The following LRRTM4 variants were observed in gnomAD, a reference collection of about 807,000 sequenced individuals.
LRRTM4 encodes leucine-rich repeat transmembrane neuronal protein 4.
Under a neutral mutation model 47.6 loss-of-function variants are expected in LRRTM4, and 25 were observed. The observed-to-expected ratio is 0.53, with a 90% CI of 0.38 to 0.73. The LOEUF is 0.73. Ranked by LOEUF, LRRTM4 falls within the 30% of genes least tolerant of loss-of-function variation. The pLI is 0.00. For missense variants in LRRTM4, 638 were observed against 713.4 expected, an observed-to-expected ratio of 0.89 and a Z score of 1.20; for synonymous variants, 311 against 269.5, an observed-to-expected ratio of 1.15 and a Z score of -1.51.
chr2:77,364,682 C>T (rs964332625), intron 3 of LRRTM4, among the ~76,000 whole-genome samples: 3 of 151,994 alleles, frequency 2.0e-5, no homozygotes, highest in Admixed American at 6.6e-5. Flanking sequence ...AGCTTCTACC[C>T]CCAGAAGGAA....
At chr2:77,470,583 T>G (rs761612611) in intron 3 of LRRTM4, among the ~76,000 whole-genome samples, 2 of 151,970 alleles carry the variant, frequency 1.3e-5, no homozygotes, top group African/African-American at 2.4e-5. Flanking sequence ...ATGAGAAAGT[T>G]TAGGTACAAG....
chr2:76,900,074 C>A (rs1196915998), intron 3 of LRRTM4, among the ~76,000 whole-genome samples: 1 of 151,928 alleles, frequency 6.6e-6, no homozygotes, highest in East Asian at 1.9e-4. Flanking sequence ...ACTAAAAATA[C>A]AAAAGTTAGT....
intron 3 of LRRTM4, among the ~76,000 whole-genome samples, chr2:77,029,187 G>C (rs1190268266): frequency 2.0e-5 from 3 of 151,468 alleles, no homozygotes; most frequent in Non-Finnish European, 4.4e-5. Flanking sequence ...GGTTGTATTA[G>C]TCAAGGTTCT....
intron 3 of LRRTM4, among the ~76,000 whole-genome samples, chr2:77,349,438 A>G (rs1671681871): frequency 6.6e-6 from 1 of 152,062 alleles, no homozygotes; most frequent in Non-Finnish European, 1.5e-5. Context: ...CATAAATAAG[A>G]TTTAAACAAA....
intron 3 of LRRTM4, among the ~76,000 whole-genome samples, chr2:77,308,889 T>C (rs1271892978): frequency 1.3e-5 from 2 of 152,090 alleles, no homozygotes; most frequent in African/African-American, 2.4e-5. Flanking sequence ...TCCACGTCTC[T>C]GTAGAATACA....
intron 3 of LRRTM4, among the ~76,000 whole-genome samples, chr2:76,993,945 A>T (rs925713639): frequency 2.6e-5 from 4 of 151,664 alleles, no homozygotes; most frequent in East Asian, 1.9e-4. Flanking sequence ...ATGAAAACAT[A>T]TTTTTTTTCA....
intron 3 of LRRTM4, among the ~76,000 whole-genome samples, chr2:76,935,540 G>A (rs924073014): frequency 1.3e-5 from 2 of 152,088 alleles, no homozygotes; most frequent in African/African-American, 4.8e-5. Context: ...GCAGTGGTTT[G>A]TAGTTCTCCT....
rs574633622 is a variant in LRRTM4, at chr2:77,479,674, T to C, written c.1551+38644A>G. On this transcript the variant is annotated intron_variant, in intron 3 of 3. Transcript: ENST00000409884. ...GAATCCTGCCAATTCTTTGTGGCAT[T>C]TCCTTCTCTCTCTCTCTCTTTTTCT... Among the ~76,000 whole-genome samples, 4 of 152,204 alleles carry C rather than the reference T, an allele frequency of 2.6e-5. No homozygotes were observed. The East Asian group carries it at 7.8e-4, about 30-fold the overall frequency.
chr2:76,812,776 C>CCCTCTTCCTCTCCCTCCCCCCTT (rs1553413541), intron 3 of LRRTM4, among the ~76,000 whole-genome samples: 2 of 85,634 alleles, frequency 2.3e-5, no homozygotes, highest in African/African-American at 1.1e-4. Context: ...CTCTCCCTCC[C>CCCTCTTCCTCTCCCTCCCCCCTT]CCTCCTCCTC....
chr2:76,865,459 G>A (rs17333303), intron 3 of LRRTM4, among the ~76,000 whole-genome samples: 20,271 of 152,122 alleles, frequency 0.13, 1,725 homozygotes, highest in Admixed American at 0.2. Context: ...CCTATCCAAA[G>A]AAACAATTTA....
At chr2:77,037,848 G>A (rs1305356200) in intron 3 of LRRTM4, among the ~76,000 whole-genome samples, 2 of 151,544 alleles carry the variant, frequency 1.3e-5, no homozygotes, top group African/African-American at 4.8e-5. Flanking sequence ...AATTTAAATT[G>A]GTTTCATATT....
intron 3 of LRRTM4, among the ~76,000 whole-genome samples, chr2:76,994,961 T>C (rs903060966): frequency 5.9e-5 from 9 of 151,930 alleles, no homozygotes; most frequent in African/African-American, 1.2e-4. Context: ...TCAAACCCCT[T>C]CCTGACATTT....
intron 3 of LRRTM4, among the ~76,000 whole-genome samples, chr2:77,075,686 C>A (rs1054909039): frequency 1.3e-5 from 2 of 151,414 alleles, no homozygotes; most frequent in Non-Finnish European, 2.9e-5. Flanking sequence ...GAGGCCGAGG[C>A]GGGCAGATCA....
chr2:77,051,117 T>C (rs895102652), intron 3 of LRRTM4, among the ~76,000 whole-genome samples: 6 of 151,924 alleles, frequency 3.9e-5, no homozygotes, highest in Non-Finnish European at 8.8e-5. Flanking sequence ...TCTGCAGATA[T>C]TTTTGATAGT....
chr2:76,931,561 C>T (rs1674770875), intron 3 of LRRTM4, among the ~76,000 whole-genome samples: 1 of 152,098 alleles, frequency 6.6e-6, no homozygotes, highest in African/African-American at 2.4e-5. Context: ...TCAGTGTCTC[C>T]TAGTTGTCCT....
intron 3 of LRRTM4, among the ~76,000 whole-genome samples, chr2:77,061,739 C>T (rs1462036256): frequency 6.6e-6 from 1 of 152,136 alleles, no homozygotes; most frequent in Non-Finnish European, 1.5e-5. Flanking sequence ...AATGCCCATC[C>T]ATTAAATTCT....
At chr2:77,153,452 C>CA (rs983517890) in intron 3 of LRRTM4, among the ~76,000 whole-genome samples, 2 of 151,850 alleles carry the variant, frequency 1.3e-5, no homozygotes, top group African/African-American at 4.8e-5. Flanking sequence ...AAATTTAATG[C>CA]AAAAAATAAA....
intron 3 of LRRTM4, among the ~76,000 whole-genome samples, chr2:76,967,966 T>C (rs114719792): frequency 1.3e-4 from 20 of 151,642 alleles, no homozygotes; most frequent in African/African-American, 4.8e-4. Flanking sequence ...TTACAGTTGG[T>C]TGGCAAATAT....
chr2:76,779,377 T>C (rs1674218726), intron 3 of LRRTM4, among the ~76,000 whole-genome samples: 3 of 151,146 alleles, frequency 2.0e-5, no homozygotes, highest in African/African-American at 7.3e-5. Context: ...AGTCTCCCAT[T>C]ATTAATGTAT....
Sources: gnomAD v4.1 joint callset for allele counts (sites outside exome capture counted in the v4.1 genomes callset) on GRCh38, gnomAD v4.1.1 for gene constraint, MANE v1.5 for transcripts, NCBI Gene and HGNC (gene_info 2026-07-23, HGNC 2026-07-21) for gene names.